The following NWD1 variants were observed in gnomAD, a reference collection of about 807,000 sequenced individuals.
The protein encoded by NWD1 is NACHT and WD repeat domain containing 1, also known as NACHT domain- and WD repeat-containing protein 1.
In NWD1, 129 loss-of-function variants were observed where a neutral mutation model predicts 135.1. That is an observed-to-expected ratio of 0.96 (90% CI 0.83 to 1.11). NWD1 has a LOEUF of 1.11. Among genes scored for constraint, NWD1 ranks in the 50% least tolerant of loss-of-function variants. The pLI is 0.00. For synonymous variants in NWD1, 773 were observed against 786.0 expected, an observed-to-expected ratio of 0.98 and a Z score of 0.28; for missense variants, 1,740 against 1,851.3, an observed-to-expected ratio of 0.94 and a Z score of 1.10.
chr19:16,791,592 T>C lies in NWD1; in HGVS notation c.3183T>C (p.Val1061=). 6.2e-7 allele frequency: 1 copy of C among 1,614,194 alleles called. No individual in the cohort carries two copies. Among genetic ancestry groups the C allele is most frequent in the Non-Finnish European group, 8.5e-7 (1 of 1,180,034 alleles). ...AVSVQKQGKL[V]TGFSNGSISL... ...CAGTCCAGAAGCAAGGAAAGCTTGTTACCGGGTTTAGCAATGGCTCCATCT... is the reference window on the plus strand; with the variant it reads ...CAGTCCAGAAGCAAGGAAAGCTTGTCACCGGGTTTAGCAATGGCTCCATCT... Residue 1061 remains valine (V), a synonymous_variant, in exon 14 of 19, where the codon GTT becomes GTC. Transcript: ENST00000524140.
intron 16 of NWD1, among the ~76,000 whole-genome samples, 178 bp from the exon 17 acceptor site, chr19:16,799,708 A>G (rs1396272478): frequency 6.6e-6 from 1 of 151,730 alleles, no homozygotes; most frequent in Non-Finnish European, 1.5e-5. Context: ...GGGTTTCTCC[A>G]TGTTGGTCAG....
intron 1 of NWD1, among the ~76,000 whole-genome samples, chr19:16,722,983 T>C (rs573854717): frequency 1.4e-4 from 21 of 152,172 alleles, no homozygotes; most frequent in African/African-American, 5.1e-4. Context: ...ACAACTTCAC[T>C]GGGAGGGGAC....
Position 16,793,410 on chromosome 19 carries a change from T to G in NWD1, c.3214-1053T>G, listed in dbSNP as rs950287190. Among the ~76,000 whole-genome samples the G allele has an allele frequency of 3.9e-5, 6 of 151,920 alleles. No homozygotes were observed. The East Asian group carries it at 1.2e-3, about 30-fold the overall frequency. The stretch of plus-strand genomic sequence containing the variant: ...CCCCATGCCTGGCTAATTATTATTA[T>G]TATTATTTTGTAGAGGTGGGGGTCT... On this transcript the variant is annotated intron_variant, in intron 14 of 18. Transcript: ENST00000524140.
chr19:16,728,407 C>A (rs1263482333), intron 2 of NWD1, among the ~76,000 whole-genome samples: 2 of 151,222 alleles, frequency 1.3e-5, no homozygotes, highest in African/African-American at 4.9e-5. Flanking sequence ...GCCTCAGCCT[C>A]CTGAGCAGCT....
intron 4 of NWD1, among the ~76,000 whole-genome samples, chr19:16,743,053 C>T (rs1968152001): frequency 6.6e-6 from 1 of 151,854 alleles, no homozygotes; most frequent in Admixed American, 6.6e-5. Context: ...GCTGGGATTA[C>T]ACCTGCACGC....
At chr19:16,785,451 C>A (rs1485134701) in intron 12 of NWD1, among the ~76,000 whole-genome samples, 1 of 151,548 alleles carries the variant, frequency 6.6e-6, no homozygotes, top group African/African-American at 2.4e-5. Context: ...TGGGAGGTTG[C>A]AGTGAGCCGA....
intron 10 of NWD1, among the ~76,000 whole-genome samples, chr19:16,766,775 G>A (rs745744489): frequency 1.3e-5 from 2 of 152,064 alleles, no homozygotes; most frequent in Admixed American, 6.6e-5. Context: ...TTGTAGAGAC[G>A]GGATTTTGCC....
At chr19:16,788,281 AAT>A (rs869090519) in intron 12 of NWD1, among the ~76,000 whole-genome samples, 28 of 137,804 alleles carry the variant, frequency 2.0e-4, no homozygotes, top group Admixed American at 1.1e-3. Flanking sequence ...TAATAATAAT[AAT>A]AAAAGGCCAG....
intron 17 of NWD1, 139 bp from the exon 18 acceptor site, chr19:16,807,447 C>A (rs776680690): frequency 6.4e-6 from 4 of 628,508 alleles, no homozygotes; most frequent in Admixed American, 2.6e-5. Context: ...GACCTGAGAT[C>A]GTGCTATTGC....
At chr19:16,756,031 ATGTATTACAGAC>A (rs1968781998) in intron 6 of NWD1, among the ~76,000 whole-genome samples, 2 of 152,162 alleles carry the variant, frequency 1.3e-5, no homozygotes, top group African/African-American at 4.8e-5. Flanking sequence ...CATATGTTCT[ATGTATTACAGAC>A]TGTATTCCTA....
At chr19:16,810,765 G>C (rs964407551) in intron 18 of NWD1, among the ~76,000 whole-genome samples, 1 of 152,104 alleles carries the variant, frequency 6.6e-6, no homozygotes, top group African/African-American at 2.4e-5. Flanking sequence ...TCTGTCTCTC[G>C]AGCAAAACTA....
Position 16,749,568 on chromosome 19 carries a change from T to C in NWD1, c.926T>C (p.Ile309Thr). 2 of 1,613,312 alleles carry C rather than the reference T, an allele frequency of 1.2e-6. No homozygotes were observed. Among genetic ancestry groups the C allele is most frequent in the Middle Eastern group, 1.7e-4 (1 of 6,058 alleles). Residue 309 changes from isoleucine (I) to threonine (T), a missense_variant, in exon 6 of 19, where the codon ATT (isoleucine) becomes ACT (threonine). Ile to Thr is a moderately conservative substitution (Grantham distance 89). Coordinates refer to ENST00000524140, the MANE Select transcript of NWD1 (RefSeq NM_001007525.5). ...RHHLWQSSEV[I>T]QTFCGRQELL... ...CACCTTTGGCAGAGCTCGGAGGTCATTCAGACCTTCTGCGGACGCCAGGAA... is the reference window on the plus strand; with the variant it reads ...CACCTTTGGCAGAGCTCGGAGGTCACTCAGACCTTCTGCGGACGCCAGGAA...
chr19:16,739,918 C>CT (rs1968010472), intron 4 of NWD1, among the ~76,000 whole-genome samples: 1 of 151,984 alleles, frequency 6.6e-6, no homozygotes, highest in Non-Finnish European at 1.5e-5. Context: ...CACCTGTTTC[C>CT]TTCATATAAC....
chr19:16,747,468 C>T (rs1412006806), intron 5 of NWD1, among the ~76,000 whole-genome samples: 1 of 151,936 alleles, frequency 6.6e-6, no homozygotes, highest in Non-Finnish European at 1.5e-5. Context: ...CCTCCAGCTC[C>T]TGGGGTCAAG....
chr19:16,743,737 C>T lies in NWD1; in HGVS notation c.199-684C>T, dbSNP rs539824255. On this transcript the variant is annotated intron_variant, in intron 4 of 18. Transcript: ENST00000524140. ...TTACTCTGTTGCCCAGGCTGGACTG[C>T]GGTGGCACCATGTCGGTTCACTGAA... 2.1e-4 allele frequency among the ~76,000 whole-genome samples: 32 copies of T among 152,116 alleles called. 1 individual carries two copies. The highest frequency in any genetic ancestry group is 3.7e-4 in the Non-Finnish European group (25 of 67,994).
chr19:16,773,935 CATCT>C (rs1269745489), intron 11 of NWD1, among the ~76,000 whole-genome samples: 5 of 131,464 alleles, frequency 3.8e-5, no homozygotes, highest in South Asian at 2.6e-4. Flanking sequence ...TTCATCCATC[CATCT>C]ATCCATCCAT....
intron 12 of NWD1, among the ~76,000 whole-genome samples, chr19:16,785,309 C>T (rs1054990814): frequency 1.1e-4 from 16 of 152,028 alleles, no homozygotes; most frequent in African/African-American, 3.6e-4. Context: ...GTCAGAAGTT[C>T]GAGACCAGCC....
At position 16,721,094 on chromosome 19, in the gene NWD1, C is replaced by G. The variant is rs150730403; in HGVS notation, c.-105+801C>G. Among the ~76,000 whole-genome samples, 157 of 152,192 alleles carry G rather than the reference C, an allele frequency of 1.0e-3. 6 individuals are homozygous for G. In the East Asian group the frequency reaches 0.029, roughly 28 times the overall value. On this transcript the variant is annotated intron_variant, in intron 1 of 18. Coordinates refer to ENST00000524140, the MANE Select transcript of NWD1 (RefSeq NM_001007525.5). ...CGAACTCCTGGCCTCAAGTAATCTG[C>G]CTGTTTTGGCCTCTCAAAGTGCTGG...
At position 16,808,021 on chromosome 19, in the gene NWD1, T is replaced by C. The variant is rs561471557; in HGVS notation, c.4172T>C (p.Val1391Ala). 6 of 1,613,966 alleles carry C rather than the reference T, an allele frequency of 3.7e-6. No homozygotes were observed. The highest frequency in any genetic ancestry group is 3.3e-5 in the Admixed American group (2 of 59,988). Residue 1391 changes from valine to alanine, a missense_variant, in exon 18 of 19, where the codon GTT becomes GCT. Physicochemically the swap from Val to Ala is moderately conservative, Grantham distance 64. Transcript: ENST00000524140. ...AFPLETHRSRVACVEVSHKEQ... is the reference protein window; with the variant it reads ...AFPLETHRSRAACVEVSHKEQ... ...CCCTTGGAGACCCACAGGAGCCGAGTTGCCTGTGTGGAGGTCAGCCACAAG... is the reference window on the plus strand; with the variant it reads ...CCCTTGGAGACCCACAGGAGCCGAGCTGCCTGTGTGGAGGTCAGCCACAAG...
Sources: allele counts gnomAD v4.1 joint callset (sites outside exome capture counted in the v4.1 genomes callset), GRCh38; gene constraint gnomAD v4.1.1; transcripts MANE v1.5; gene names NCBI Gene and HGNC (gene_info 2026-07-23, HGNC 2026-07-21).